Variants in AKTIP observed in about 807,000 individuals in gnomAD.
AKTIP encodes AKT interacting protein.
AKTIP carries 16 observed loss-of-function variants against 39.1 expected under a neutral mutation model. The observed-to-expected ratio is 0.41, with a 90% CI of 0.28 to 0.62. The LOEUF is 0.62. Among genes scored for constraint, AKTIP ranks in the 20% least tolerant of loss-of-function variants. The pLI, the probability that AKTIP is intolerant of heterozygous loss-of-function variation, is 0.32. For missense variants in AKTIP, 262 were observed against 356.6 expected, an observed-to-expected ratio of 0.73 and a Z score of 2.14; for synonymous variants, 93 against 124.3, an observed-to-expected ratio of 0.75 and a Z score of 1.67.
intron 1 of AKTIP, chr16:53,501,065 A>G (rs1598161871): frequency 1.3e-5 from 2 of 152,220 alleles, no homozygotes; most frequent in Admixed American, 1.3e-4. Flanking sequence ...GGAACAAACA[A>G]TAGATACAAG....
chr16:53,494,463 C>T (rs1383609961), intron 6 of AKTIP, 26 bp from the exon 7 acceptor site: 11 of 1,613,624 alleles, frequency 6.8e-6, no homozygotes, highest in African/African-American at 5.3e-5. Flanking sequence ...GCGTGATTAC[C>T]GAGGCGTCCT....
At position 53,494,386 on chromosome 16, in the gene AKTIP, G is replaced by C; in HGVS notation, c.555C>G (p.Phe185Leu). Residue 185 changes from phenylalanine (F) to leucine (L), a missense_variant, in exon 7 of 10, where the codon TTC becomes TTG. Around this residue, in one of 4 missense-constraint regions of AKTIP, gnomAD observed 145 missense variants for 159.3 expected, o/e 0.91. Coordinates refer to ENST00000394657, the MANE Select transcript of AKTIP (RefSeq NM_022476.4). Reference protein sequence around the residue: ...WQVLMYARRVFYKIDTASPLN... With the variant: ...WQVLMYARRVLYKIDTASPLN... ...GGGGGCTTGCTGTATCAATCTTGTA[G>C]AAAACTCTCCTTGCATACATTAATA... 6.2e-7 allele frequency: 1 copy of C among 1,614,172 alleles called. No individual in the cohort carries two copies. The highest frequency in any genetic ancestry group is 8.5e-7 in the Non-Finnish European group (1 of 1,180,036).
intron 2 of AKTIP, 130 bp from the exon 3 acceptor site, chr16:53,498,726 G>T (rs1247855004): frequency 1.1e-6 from 1 of 913,524 alleles, no homozygotes; most frequent in East Asian, 2.5e-5. Flanking sequence ...TGACCAAGAT[G>T]ACTAGAAAGT....
intron 3 of AKTIP, among the ~76,000 whole-genome samples, chr16:53,497,199 G>A (rs1961890309): frequency 6.6e-6 from 1 of 152,168 alleles, no homozygotes; most frequent in African/African-American, 2.4e-5. Flanking sequence ...CTAATGAAAT[G>A]CCATCTGCGT....
intron 1 of AKTIP, among the ~76,000 whole-genome samples, chr16:53,502,052 A>G (rs1962199813): frequency 1.3e-5 from 2 of 152,222 alleles, no homozygotes; most frequent in African/African-American, 4.8e-5. Flanking sequence ...GTGCTCCACA[A>G]CATACATTTA....
chr16:53,502,341 G>A (rs544819131), intron 1 of AKTIP, among the ~76,000 whole-genome samples: 3 of 152,294 alleles, frequency 2.0e-5, no homozygotes, highest in African/African-American at 7.2e-5. Flanking sequence ...TTACATCCTT[G>A]TCACTTGGAA....
intron 1 of AKTIP, 112 bp from the exon 2 acceptor site, chr16:53,500,441 G>A (rs1012425456): frequency 1.9e-6 from 1 of 539,082 alleles, no homozygotes; most frequent in African/African-American, 2.0e-5. Flanking sequence ...GCAGTGGTGT[G>A]ATCTCGGCTC....
intron 1 of AKTIP, chr16:53,502,793 C>G (rs150208913): frequency 4.6e-5 from 7 of 152,198 alleles, no homozygotes; most frequent in Non-Finnish European, 1.0e-4. Flanking sequence ...AGTGGGGGGG[C>G]TCTGGGGCCC....
intron 3 of AKTIP, 99 bp from the exon 4 acceptor site, chr16:53,495,425 T>C (rs895473872): frequency 2.6e-6 from 3 of 1,136,506 alleles, no homozygotes; most frequent in East Asian, 5.0e-5. Flanking sequence ...GGCCCCTCAA[T>C]GGGCAGCTGA....
intron 3 of AKTIP, among the ~76,000 whole-genome samples, chr16:53,496,707 A>G (rs1961861454): frequency 6.6e-6 from 1 of 151,924 alleles, no homozygotes; most frequent in Admixed American, 6.6e-5. Flanking sequence ...GGTGGCGCAC[A>G]CCTGTAGTCC....
Position 53,494,793 on chromosome 16 carries a change from G to T in AKTIP, c.415-188C>A, listed in dbSNP as rs776232435. On this transcript the variant is annotated intron_variant, in intron 5 of 9. Transcript: ENST00000394657. ...AAAAACTAAATTTTGCAATGAAGCGGGGAAAACTCCCTCTCCTCCACTAGA... is the reference window on the plus strand; with the variant it reads ...AAAAACTAAATTTTGCAATGAAGCGTGGAAAACTCCCTCTCCTCCACTAGA... The T allele has an allele frequency of 6.8e-5, 48 of 708,044 alleles. 1 individual carries two copies. In the Middle Eastern group the frequency reaches 9.4e-4, roughly 14 times the overall value. The allele number at this position is 708,044 out of a possible 1,614,324, so 43.9% of individuals were successfully genotyped here.
chr16:53,502,104 G>A (rs537393718), intron 1 of AKTIP, among the ~76,000 whole-genome samples: 3 of 152,284 alleles, frequency 2.0e-5, no homozygotes, highest in South Asian at 2.1e-4. Context: ...AAGGTCTAAC[G>A]CGTTAGGATT....
chr16:53,496,954 C>A (rs1039140601), intron 3 of AKTIP, among the ~76,000 whole-genome samples: 2 of 152,132 alleles, frequency 1.3e-5, no homozygotes, highest in Non-Finnish European at 2.9e-5. Context: ...TATAGGTCTG[C>A]AGCTGGGAAA....
upstream of AKTIP, among the ~76,000 whole-genome samples, chr16:53,503,844 T>TGCAGGAGCTGAAG: frequency 6.6e-6 from 1 of 152,228 alleles, no homozygotes; most frequent in South Asian, 2.1e-4. Context: ...TCTCCATCAG[T>TGCAGGAGCTGAAG]GCAGGAGCTG....
intron 3 of AKTIP, among the ~76,000 whole-genome samples, chr16:53,498,151 G>A (rs192206119): frequency 2.6e-5 from 4 of 152,254 alleles, no homozygotes; most frequent in East Asian, 1.9e-4. Context: ...TTATTCACCC[G>A]AGCTCTAAAG....
upstream of AKTIP, chr16:53,503,306 C>T (rs958927682): frequency 6.6e-6 from 1 of 151,470 alleles, no homozygotes; most frequent in Non-Finnish European, 1.5e-5. Context: ...CCGCCCCCTG[C>T]TGCACGATCC....
chr16:53,494,349 C>T lies in AKTIP; in HGVS notation c.592G>A (p.Ala198Thr), dbSNP rs748061956. Residue 198 changes from alanine (A) to threonine (T), a missense_variant, in exon 7 of 10, where the codon GCT becomes ACT. Physicochemically the swap from Ala to Thr is moderately conservative, Grantham distance 58 (BLOSUM62 0). Around this residue, in one of 4 missense-constraint regions of AKTIP, gnomAD observed 145 missense variants for 159.3 expected, o/e 0.91. Transcript: ENST00000394657. The part of the protein sequence containing the change: ...IDTASPLNPE[A>T]AVLYEKDIQL... ...GCAAAAGTTACATACAGTACTGCAG[C>T]CTCTGGGTTCAGGGGGCTTGCTGTA... The T allele has an allele frequency of 6.2e-7, 1 of 1,614,168 alleles. No individual in the cohort carries two copies. Among genetic ancestry groups the T allele is most frequent in the South Asian group, 1.1e-5 (1 of 91,076 alleles).
chr16:53,501,670 GTCT>G (rs747603453), intron 1 of AKTIP: 5 of 152,212 alleles, frequency 3.3e-5, no homozygotes, highest in African/African-American at 7.2e-5. Flanking sequence ...GCAATAATTT[GTCT>G]TCTCTGACGA....
chr16:53,502,386 T>C (rs1962220050), intron 1 of AKTIP, among the ~76,000 whole-genome samples: 1 of 152,218 alleles, frequency 6.6e-6, no homozygotes, highest in African/African-American at 2.4e-5. Flanking sequence ...TGGCCACGGC[T>C]GCATTCCTTT....
Sources: gnomAD v4.1 joint callset for allele counts (sites outside exome capture counted in the v4.1 genomes callset) on GRCh38, gnomAD v4.1.1 for gene constraint, gnomAD v4.1.1 regional missense constraint, MANE v1.5 for transcripts, NCBI Gene and HGNC (gene_info 2026-07-23, HGNC 2026-07-21) for gene names.